TMEM132C: variants seen among roughly 807,000 people sequenced by gnomAD.
The protein encoded by TMEM132C is protein phosphatase 1, regulatory subunit 152.
In TMEM132C, 29 loss-of-function variants were observed where a neutral mutation model predicts 61.4. The observed-to-expected ratio is 0.47, with a 90% CI of 0.35 to 0.64. The LOEUF (loss-of-function observed/expected upper bound fraction) is 0.64. Ranked by LOEUF, TMEM132C falls within the 30% of genes least tolerant of loss-of-function variation. TMEM132C has a pLI of 0.00. For synonymous variants in TMEM132C, 656 were observed against 633.1 expected (o/e 1.04, Z -0.54); for missense variants, 1,408 against 1,476.9 (o/e 0.95, Z 0.76).
intron 2 of TMEM132C, among the ~76,000 whole-genome samples, chr12:128,501,170 C>G (rs941743531): frequency 3.9e-5 from 6 of 152,140 alleles, no homozygotes; most frequent in African/African-American, 1.2e-4. Flanking sequence ...ACGCCTATAA[C>G]TAAGACTCTA....
chr12:128,353,107 A>G (rs1286339181), intron 1 of TMEM132C, among the ~76,000 whole-genome samples: 2 of 152,252 alleles, frequency 1.3e-5, no homozygotes, highest in African/African-American at 4.8e-5. Context: ...GTAGAGAAAT[A>G]CAAGAGACAA....
Position 128,326,970 on chromosome 12 carries a change from T to C in TMEM132C, c.85+59483T>C, listed in dbSNP as rs979951859. ...GTTAGAACGACTATTTAAGTAAAAT[T>C]TACTTTTAGTGGTGTAATTTTTCCT... On this transcript the variant is annotated intron_variant, in intron 1 of 8. Coordinates refer to ENST00000435159, the MANE Select transcript of TMEM132C (RefSeq NM_001136103.3). The surrounding 1 kb of genome is among the most constrained non-coding windows in gnomAD (Gnocchi z 5.6). Among the ~76,000 whole-genome samples the C allele has an allele frequency of 2.0e-5, 3 of 149,922 alleles. 1 individual carries two copies. Among genetic ancestry groups the C allele is most frequent in the African/African-American group, 5.1e-5 (2 of 39,248 alleles).
Position 128,693,850 on chromosome 12 carries a change from A to G in TMEM132C, c.1471A>G (p.Ile491Val). ...GCAGGTGTCTGAGCGCTGTGACTAC[A>G]TCTTTGTCAATGGCAAAGAGATCAA... Reference protein sequence around the residue: ...VIKVSERCDYIFVNGKEIKGK... With the variant: ...VIKVSERCDYVFVNGKEIKGK... Residue 491 changes from isoleucine (I) to valine (V), a missense_variant, in exon 6 of 9, where the codon ATC (isoleucine) becomes GTC (valine). Ile to Val is a conservative substitution (Grantham distance 29). Coordinates refer to ENST00000435159, the MANE Select transcript of TMEM132C (RefSeq NM_001136103.3). 1.3e-6 allele frequency: 2 copies of G among 1,551,694 alleles called. No homozygotes were observed. The highest frequency in any genetic ancestry group is 1.2e-5 in the South Asian group (1 of 84,058).
In TMEM132C at chr12:128,385,768, A is replaced by G. The variant is rs111941996; in HGVS notation, c.86-28964A>G. Among the ~76,000 whole-genome samples the G allele has an allele frequency of 7.5e-3, 1,139 of 152,364 alleles. 21 individuals are homozygous for G. The highest frequency in any genetic ancestry group is 0.026 in the African/African-American group (1,093 of 41,582). On this transcript the variant is annotated intron_variant, in intron 1 of 8. Coordinates refer to ENST00000435159, the MANE Select transcript of TMEM132C (RefSeq NM_001136103.3). ...AAGTCCTTAACTGAACCTCTGTTGC[A>G]TAAAACACAACCCATCAAAAATAAC...
At position 128,342,009 on chromosome 12, in the gene TMEM132C, C is replaced by CT. The variant is rs879833084; in HGVS notation, c.86-72710dup. Among the ~76,000 whole-genome samples, 728 of 145,616 alleles carry CT rather than the reference C, an allele frequency of 5.0e-3. 4 individuals are homozygous for CT. The highest frequency in any genetic ancestry group is 0.014 in the African/African-American group (567 of 39,944). ...GCTAAAAGTTCACCTGGCCACACTT[C>CT]TTTTTTTTTTTTTCTTTGAGATGGA... On this transcript the variant is annotated intron_variant, in intron 1 of 8. Coordinates refer to ENST00000435159, the MANE Select transcript of TMEM132C (RefSeq NM_001136103.3).
chr12:128,384,639 ATCAGTCTTGT>A (rs1008670287), intron 1 of TMEM132C, among the ~76,000 whole-genome samples: 1 of 152,088 alleles, frequency 6.6e-6, no homozygotes, highest in Non-Finnish European at 1.5e-5. Context: ...AGAGGGTTGG[ATCAGTCTTGT>A]TCAGTTCTGA....
At chr12:128,414,618 G>T (rs7302237) in intron 1 of TMEM132C, 114 bp from the exon 2 acceptor site, 3 of 1,167,620 alleles carry the variant, frequency 2.6e-6, no homozygotes, top group East Asian at 2.6e-5. Flanking sequence ...AGCCAAGTGG[G>T]CTTCAGAATT....
intron 1 of TMEM132C, among the ~76,000 whole-genome samples, chr12:128,403,570 A>G (rs142146353): frequency 6.6e-6 from 1 of 152,276 alleles, no homozygotes; most frequent in African/African-American, 2.4e-5. Flanking sequence ...AATGATTATG[A>G]TAATAGCAAC....
intron 3 of TMEM132C, among the ~76,000 whole-genome samples, chr12:128,584,570 A>G (rs984816240): frequency 3.3e-5 from 5 of 152,178 alleles, no homozygotes; most frequent in African/African-American, 1.2e-4. Flanking sequence ...CTGTAGGGTT[A>G]ATAATTGCTG....
At chr12:128,529,630 A>C (rs1873214209) in intron 2 of TMEM132C, among the ~76,000 whole-genome samples, 1 of 152,030 alleles carries the variant, frequency 6.6e-6, no homozygotes, top group Non-Finnish European at 1.5e-5. Context: ...CTAAAAATAC[A>C]AAAAAATTAG....
intron 1 of TMEM132C, among the ~76,000 whole-genome samples, chr12:128,411,920 C>T (rs1868566067): frequency 6.6e-6 from 1 of 152,166 alleles, no homozygotes; most frequent in African/African-American, 2.4e-5. Flanking sequence ...CGGTGAGACA[C>T]CAGGCTCCCG....
At chr12:128,303,061 G>A (rs192025317) in intron 1 of TMEM132C, among the ~76,000 whole-genome samples, 26 of 152,296 alleles carry the variant, frequency 1.7e-4, no homozygotes, top group Non-Finnish European at 2.4e-4. Flanking sequence ...CAAAGAGGAC[G>A]ACACAGCTTT....
chr12:128,692,576 C>G (rs1310298616), intron 5 of TMEM132C, among the ~76,000 whole-genome samples: 1 of 152,204 alleles, frequency 6.6e-6, no homozygotes, highest in African/African-American at 2.4e-5. Context: ...GGGGATTTAA[C>G]TATTGCCAAG....
In TMEM132C at chr12:128,683,101, G is replaced by A. The variant is rs182250083; in HGVS notation, c.1450-10728G>A. On this transcript the variant is annotated intron_variant, in intron 5 of 8. Coordinates refer to ENST00000435159, the MANE Select transcript of TMEM132C (RefSeq NM_001136103.3). ...AGGAGCTGCGGGAGAGAAACTGCACGCGTGGTGCGGTCAGATCTGATTAAG... is the reference window on the plus strand; with the variant it reads ...AGGAGCTGCGGGAGAGAAACTGCACACGTGGTGCGGTCAGATCTGATTAAG... 2.9e-3 allele frequency among the ~76,000 whole-genome samples: 447 copies of A among 152,248 alleles called. 4 individuals carry two copies. The highest frequency in any genetic ancestry group is 0.01 in the African/African-American group (416 of 41,544).
At chr12:128,519,041 T>A (rs1267841462) in intron 2 of TMEM132C, among the ~76,000 whole-genome samples, 1 of 152,220 alleles carries the variant, frequency 6.6e-6, no homozygotes, top group Non-Finnish European at 1.5e-5. Flanking sequence ...TTATTATGTA[T>A]AATTTACATG....
chr12:128,403,045 A>G (rs1226955561), intron 1 of TMEM132C, among the ~76,000 whole-genome samples: 2 of 152,204 alleles, frequency 1.3e-5, no homozygotes, highest in African/African-American at 4.8e-5. Context: ...ACGGTTACGA[A>G]ATTGCAAACC....
intron 1 of TMEM132C, among the ~76,000 whole-genome samples, chr12:128,333,940 G>T (rs1872730209): frequency 6.6e-6 from 1 of 151,330 alleles, no homozygotes; most frequent in African/African-American, 2.4e-5. Flanking sequence ...ATGTATGAGA[G>T]TGTGTGGTGT....
intron 1 of TMEM132C, among the ~76,000 whole-genome samples, chr12:128,282,283 T>C (rs1233625906): frequency 1.3e-5 from 2 of 152,236 alleles, no homozygotes; most frequent in Admixed American, 1.3e-4. Flanking sequence ...TATTATTCCG[T>C]TTTCACATTG....
At chr12:128,653,457 A>C (rs970374977) in intron 4 of TMEM132C, among the ~76,000 whole-genome samples, 1 of 152,172 alleles carries the variant, frequency 6.6e-6, no homozygotes. Context: ...TAGTGTATGC[A>C]TTTGCATTTT....
Sources: gnomAD v4.1 joint callset for allele counts (sites outside exome capture counted in the v4.1 genomes callset) on GRCh38, gnomAD v4.1.1 for gene constraint, Gnocchi (gnomAD v3.1) non-coding constraint, MANE v1.5 for transcripts, NCBI Gene and HGNC (gene_info 2026-07-23, HGNC 2026-07-21) for gene names.